ZNF831: variants seen among roughly 807,000 people sequenced by gnomAD.
The protein encoded by ZNF831 is zinc finger protein 831, also known as chromosome 20 open reading frame 174.
In ZNF831, 59 loss-of-function variants were observed where a neutral mutation model predicts 95.8. That is an observed-to-expected ratio of 0.62 (90% CI 0.50 to 0.77). The LOEUF is 0.77. Ranked by LOEUF, ZNF831 falls within the 30% of genes least tolerant of loss-of-function variation. The pLI is 0.00. For synonymous variants in ZNF831, 961 were observed against 925.5 expected, an observed-to-expected ratio of 1.04 and a Z score of -0.70; for missense variants, 2,205 against 2,164.0, an observed-to-expected ratio of 1.02 and a Z score of -0.38.
rs191535562 is a variant in ZNF831 at position 59,205,726 on chromosome 20, G to A, written c.3876-1179G>A. ...TATTGTAAACTGAGGCTTGTAAAGG[G>A]AAGGGATTACTTGTGGCTTGACCAG... On this transcript the variant is annotated intron_variant, in intron 3 of 5. Coordinates refer to ENST00000371030, the MANE Select transcript of ZNF831 (RefSeq NM_178457.3). 2.6e-5 allele frequency among the ~76,000 whole-genome samples: 4 copies of A among 152,294 alleles called. No homozygotes were observed. In the East Asian group the frequency reaches 7.7e-4, roughly 29 times the overall value.
At chr20:59,168,728 T>G (rs984836832) in intron 1 of ZNF831, among the ~76,000 whole-genome samples, 1 of 152,188 alleles carries the variant, frequency 6.6e-6, no homozygotes, top group Non-Finnish European at 1.5e-5. Flanking sequence ...TTTGGTGTTT[T>G]GTAGATGCTT....
chr20:59,240,029 G>T (rs1050335716), intron 4 of ZNF831, among the ~76,000 whole-genome samples: 1 of 152,158 alleles, frequency 6.6e-6, no homozygotes, highest in Non-Finnish European at 1.5e-5. Flanking sequence ...AGGATTCAGG[G>T]AAGTGGAAGC....
chr20:59,216,658 G>T (rs1487166381), intron 4 of ZNF831, among the ~76,000 whole-genome samples: 2 of 152,176 alleles, frequency 1.3e-5, no homozygotes, highest in African/African-American at 4.8e-5. Flanking sequence ...TGCAGTGGGG[G>T]CTCACAGGAT....
rs541205684 is a variant in ZNF831, at chr20:59,254,102, ATCT to A, written c.4397_4399del (p.Phe1466del). The A allele has an allele frequency of 1.8e-4, 289 of 1,613,906 alleles. 3 individuals are homozygous for A. In the South Asian group the frequency reaches 2.8e-3, roughly 16 times the overall value. ...AGTCTCAACAGATCCCAAACCATAC[ATCT>A]TCTCAGATGCTCAAAGGCCTTCTTC... On this transcript the variant is annotated inframe_deletion, in exon 6 of 6. Transcript: ENST00000371030. The surrounding 1 kb of genome is among the most constrained non-coding windows in gnomAD (Gnocchi z 4.5).
intron 1 of ZNF831, among the ~76,000 whole-genome samples, chr20:59,188,945 C>T (rs796963119): frequency 2.6e-5 from 4 of 152,282 alleles, no homozygotes; most frequent in African/African-American, 9.6e-5. Flanking sequence ...CTTTGGGAGG[C>T]TGAGGCCAGT....
chr20:59,252,021 AGAG>A (rs1386735223), intron 4 of ZNF831, among the ~76,000 whole-genome samples: 1 of 152,198 alleles, frequency 6.6e-6, no homozygotes, highest in Non-Finnish European at 1.5e-5. Context: ...TGAAGTTTGA[AGAG>A]GAGGAGAGCT....
At chr20:59,223,283 C>T (rs1339366035) in intron 4 of ZNF831, among the ~76,000 whole-genome samples, 1 of 152,172 alleles carries the variant, frequency 6.6e-6, no homozygotes, top group African/African-American at 2.4e-5. Flanking sequence ...GATTCTGCCG[C>T]AAAATGCAGG....
chr20:59,247,339 A>G (rs1037417134), intron 4 of ZNF831, among the ~76,000 whole-genome samples: 4 of 152,034 alleles, frequency 2.6e-5, no homozygotes, highest in Admixed American at 1.3e-4. Flanking sequence ...TTTTTATATA[A>G]TTATTTGCTT....
rs115667632 is a variant in ZNF831, at chr20:59,201,765, C to T, written c.3876-5140C>T. Among the ~76,000 whole-genome samples the T allele has an allele frequency of 6.5e-3, 983 of 152,206 alleles. 14 individuals carry two copies. The highest frequency in any genetic ancestry group is 0.022 in the African/African-American group (934 of 41,512). Reference sequence around the variant, plus strand: ...TGCAAATACCACACTGACTTGATTACGCCGCTTGACTCTGAGACTTATTAT... The same window carrying T: ...TGCAAATACCACACTGACTTGATTATGCCGCTTGACTCTGAGACTTATTAT... On this transcript the variant is annotated intron_variant, in intron 3 of 5. Transcript: ENST00000371030.
rs1384614877 is a variant in ZNF831 at position 59,188,011 on chromosome 20, G to A, written c.-36-2973G>A. Among the ~76,000 whole-genome samples the A allele has an allele frequency of 3.3e-5, 5 of 152,248 alleles. No homozygotes were observed. In the East Asian group the frequency reaches 5.8e-4, roughly 18 times the overall value. Reference sequence around the variant, plus strand: ...TTTTTATGGCTGATTACGATTCTACGGTACTGTATATTGCCGTTTGTCTAT... The same window carrying A: ...TTTTTATGGCTGATTACGATTCTACAGTACTGTATATTGCCGTTTGTCTAT... On this transcript the variant is annotated intron_variant, in intron 1 of 5. Transcript: ENST00000371030.
At chr20:59,174,912 T>C (rs1982021468) in intron 1 of ZNF831, among the ~76,000 whole-genome samples, 1 of 152,148 alleles carries the variant, frequency 6.6e-6, no homozygotes, top group African/African-American at 2.4e-5. Context: ...TCTTTGAGGG[T>C]GGGCCTGCTG....
intron 4 of ZNF831, among the ~76,000 whole-genome samples, chr20:59,252,482 A>C (rs1987943317): frequency 6.6e-6 from 1 of 152,174 alleles, no homozygotes; most frequent in South Asian, 2.1e-4. Context: ...AATCACAACA[A>C]TAACCACCAC....
In ZNF831 at chr20:59,254,661, T is replaced by C; in HGVS notation, c.4952T>C (p.Leu1651Pro). Residue 1651 changes from leucine (L) to proline (P), a missense_variant, in exon 6 of 6, where the codon CTG becomes CCG. Transcript: ENST00000371030. The surrounding 1 kb of genome is among the most constrained non-coding windows in gnomAD (Gnocchi z 4.5). ...TCTAAATCCCTCAAGAAGAGGAGTC[T>C]GGAAGGAATGAGAAAGCAAACTCGA... ...APSKSLKKRS[L>P]EGMRKQTRVE... The C allele has an allele frequency of 6.2e-7, 1 of 1,614,086 alleles. No individual in the cohort carries two copies. Among genetic ancestry groups the C allele is most frequent in the Non-Finnish European group, 8.5e-7 (1 of 1,180,028 alleles).
At chr20:59,223,455 CAG>C (rs897821422) in intron 4 of ZNF831, among the ~76,000 whole-genome samples, 7 of 152,162 alleles carry the variant, frequency 4.6e-5, no homozygotes, top group African/African-American at 1.7e-4. Flanking sequence ...AACGTTTTAA[CAG>C]AGAGATGCAG....
chr20:59,242,409 A>G (rs1168775431), intron 4 of ZNF831, among the ~76,000 whole-genome samples: 2 of 152,234 alleles, frequency 1.3e-5, no homozygotes, highest in Non-Finnish European at 2.9e-5. Context: ...TTGGCATCAT[A>G]TATTTCAGAA....
At chr20:59,211,701 A>T (rs762342456) in intron 4 of ZNF831, among the ~76,000 whole-genome samples, 22 of 151,970 alleles carry the variant, frequency 1.4e-4, no homozygotes, top group Non-Finnish European at 3.1e-4. Context: ...ACTTATAAAC[A>T]ACTTTCTCGG....
intron 1 of ZNF831, among the ~76,000 whole-genome samples, chr20:59,145,497 C>T (rs946000896): frequency 6.6e-6 from 1 of 152,206 alleles, no homozygotes; most frequent in African/African-American, 2.4e-5. Flanking sequence ...CATTTGACCA[C>T]AAGACCTCTT....
intron 4 of ZNF831, among the ~76,000 whole-genome samples, chr20:59,229,558 A>C (rs868794475): frequency 6.6e-6 from 1 of 152,170 alleles, no homozygotes; most frequent in Non-Finnish European, 1.5e-5. Context: ...CATACCTTCT[A>C]CTTTAGGCAT....
intron 1 of ZNF831, among the ~76,000 whole-genome samples, chr20:59,139,564 A>G (rs1339736539): frequency 2.0e-5 from 3 of 151,994 alleles, no homozygotes; most frequent in South Asian, 2.1e-4. Context: ...TGTAACTAAT[A>G]CTCAACTGAC....
Sources: allele counts gnomAD v4.1 joint callset (sites outside exome capture counted in the v4.1 genomes callset), GRCh38; gene constraint gnomAD v4.1.1; non-coding constraint Gnocchi (gnomAD v3.1); transcripts MANE v1.5; gene names NCBI Gene and HGNC (gene_info 2026-07-23, HGNC 2026-07-21).